Variants in SH3RF1 observed in about 807,000 individuals in gnomAD.
SH3RF1 encodes the protein SH3 domain containing ring finger 1.
Under a neutral mutation model 74.0 loss-of-function variants are expected in SH3RF1, and 32 were observed. That is an observed-to-expected ratio of 0.43 (90% CI 0.33 to 0.58). The LOEUF is 0.58. Among genes scored for constraint, SH3RF1 ranks in the 20% least tolerant of loss-of-function variants. The probability of loss-of-function intolerance (pLI) is 0.05; values close to 1 mark genes in which losing one functional copy is unlikely to be tolerated. For missense variants in SH3RF1, 954 were observed against 1,130.9 expected (o/e 0.84, Z 2.24); for synonymous variants, 396 against 439.6 (o/e 0.90, Z 1.24).
chr4:169,155,420 T>C (rs952732902), intron 4 of SH3RF1, 60 bp downstream of exon 4: 1 of 1,338,296 alleles, frequency 7.5e-7, no homozygotes, highest in Non-Finnish European at 1.1e-6. Flanking sequence ...AATTGCATAA[T>C]TAAGATTTAT....
At chr4:169,258,508 G>A (rs1460047481) in intron 2 of SH3RF1, among the ~76,000 whole-genome samples, 2 of 152,162 alleles carry the variant, frequency 1.3e-5, no homozygotes, top group East Asian at 3.9e-4. Flanking sequence ...GTTAAGACAG[G>A]AATGAAAATA....
chr4:169,227,254 T>A (rs564750643), intron 2 of SH3RF1, among the ~76,000 whole-genome samples: 64 of 152,214 alleles, frequency 4.2e-4, no homozygotes, highest in African/African-American at 1.5e-3. Context: ...ATCATTAGAC[T>A]ATAACATCAA....
intron 2 of SH3RF1, among the ~76,000 whole-genome samples, chr4:169,222,411 A>G (rs971930942): frequency 6.6e-6 from 1 of 151,770 alleles, no homozygotes; most frequent in Admixed American, 6.6e-5. Context: ...GTTGCAGTGA[A>G]CTGAGATTGC....
At chr4:169,180,893 T>C (rs1351563164) in intron 2 of SH3RF1, among the ~76,000 whole-genome samples, 1 of 152,158 alleles carries the variant, frequency 6.6e-6, no homozygotes, top group East Asian at 1.9e-4. Flanking sequence ...TCCTTAGAAA[T>C]CTTGAGCACC....
chr4:169,188,581 A>G (rs918048226), intron 2 of SH3RF1, among the ~76,000 whole-genome samples: 1 of 152,234 alleles, frequency 6.6e-6, no homozygotes. Flanking sequence ...TTACAGTATA[A>G]AAGCTAATGA....
chr4:169,124,253 C>A (rs71622325), intron 6 of SH3RF1, among the ~76,000 whole-genome samples: 9,162 of 152,164 alleles, frequency 0.06, 426 homozygotes, highest in African/African-American at 0.13. Flanking sequence ...AAATTAAAAT[C>A]ATCTATTATA....
At chr4:169,249,024 G>C (rs1449189482) in intron 2 of SH3RF1, among the ~76,000 whole-genome samples, 1 of 152,072 alleles carries the variant, frequency 6.6e-6, no homozygotes, top group Non-Finnish European at 1.5e-5. Flanking sequence ...TCAGGAGATC[G>C]AGACCATTCT....
At chr4:169,209,727 TG>T (rs778624802) in intron 2 of SH3RF1, among the ~76,000 whole-genome samples, 2 of 152,216 alleles carry the variant, frequency 1.3e-5, no homozygotes, top group Non-Finnish European at 2.9e-5. Context: ...AACACTGTAA[TG>T]TACCGGAAAG....
At chr4:169,265,067 T>C (rs1015644826) in intron 2 of SH3RF1, among the ~76,000 whole-genome samples, 4 of 152,186 alleles carry the variant, frequency 2.6e-5, no homozygotes, top group African/African-American at 9.6e-5. Flanking sequence ...TTCTATCCTC[T>C]CCCCTAGCTT....
At chr4:169,097,958 C>G (rs1041250467) in intron 11 of SH3RF1, among the ~76,000 whole-genome samples, 23 of 152,202 alleles carry the variant, frequency 1.5e-4, no homozygotes, top group African/African-American at 5.3e-4. Flanking sequence ...TTTCCAAAAG[C>G]CTAAACTAAC....
At chr4:169,163,237 G>GA (rs545637055) in intron 2 of SH3RF1, among the ~76,000 whole-genome samples, 5,797 of 130,994 alleles carry the variant, frequency 0.044, 131 homozygotes, top group African/African-American at 0.054. Context: ...CAAACACCCA[G>GA]AAAAAAAAAA....
At chr4:169,106,817 A>T in intron 11 of SH3RF1, 30 bp downstream of exon 11, 2 of 1,483,662 alleles carry the variant, frequency 1.3e-6, no homozygotes, top group Non-Finnish European at 1.8e-6. Context: ...TTCATTTTTT[A>T]GTTTTTTCCT....
intron 2 of SH3RF1, among the ~76,000 whole-genome samples, chr4:169,231,429 C>A (rs1730736601): frequency 6.6e-6 from 1 of 151,940 alleles, no homozygotes; most frequent in Non-Finnish European, 1.5e-5. Context: ...AGCCAGACGT[C>A]ATGGCGCATG....
chr4:169,099,123 T>C (rs1732976100), intron 11 of SH3RF1, among the ~76,000 whole-genome samples: 1 of 152,236 alleles, frequency 6.6e-6, no homozygotes, highest in Non-Finnish European at 1.5e-5. Flanking sequence ...GAGACGGTCT[T>C]ACTTTGTTGC....
chr4:169,125,945 T>C (rs1239879839), intron 6 of SH3RF1, among the ~76,000 whole-genome samples: 1 of 152,232 alleles, frequency 6.6e-6, no homozygotes, highest in Non-Finnish European at 1.5e-5. Flanking sequence ...TGTTCCACAT[T>C]TGATCTACAA....
chr4:169,120,141 C>G (rs993576487), intron 8 of SH3RF1, among the ~76,000 whole-genome samples: 2 of 152,156 alleles, frequency 1.3e-5, no homozygotes, highest in Non-Finnish European at 2.9e-5. Flanking sequence ...AACCTCTAGT[C>G]GTGACAATCA....
chr4:169,184,212 T>C (rs918716039), intron 2 of SH3RF1, among the ~76,000 whole-genome samples: 1 of 152,238 alleles, frequency 6.6e-6, no homozygotes, highest in Non-Finnish European at 1.5e-5. Context: ...GGAGATCTCT[T>C]GCGGGATGTC....
At chr4:169,247,516 T>A (rs116404474) in intron 2 of SH3RF1, among the ~76,000 whole-genome samples, 3,586 of 152,228 alleles carry the variant, frequency 0.024, 135 homozygotes, top group African/African-American at 0.082. Context: ...ACTACCATGA[T>A]CTGTGTCTGA....
intron 2 of SH3RF1, among the ~76,000 whole-genome samples, chr4:169,165,027 T>C (rs1734212698): frequency 6.6e-6 from 1 of 152,186 alleles, no homozygotes. Context: ...TTTCATCACA[T>C]GTTTAATAAT....
Sources: gnomAD v4.1 joint callset for allele counts (sites outside exome capture counted in the v4.1 genomes callset) on GRCh38, gnomAD v4.1.1 for gene constraint, MANE v1.5 for transcripts, NCBI Gene and HGNC (gene_info 2026-07-23, HGNC 2026-07-21) for gene names.